The following CTDSP2 variants were observed in gnomAD, a reference collection of about 807,000 sequenced individuals.
The protein encoded by CTDSP2 is CTD small phosphatase 2.
CTDSP2 carries 9 observed loss-of-function variants against 31.6 expected under a neutral mutation model. That is an observed-to-expected ratio of 0.28 (90% CI 0.17 to 0.50). The LOEUF (loss-of-function observed/expected upper bound fraction) is 0.50, where lower values mean the gene tolerates loss of function less well. CTDSP2 is among the 20% of genes least tolerant of loss of function. The probability of loss-of-function intolerance (pLI) is 0.98; values close to 1 mark genes in which losing one functional copy is unlikely to be tolerated. For missense variants in CTDSP2, 267 were observed against 348.5 expected, an observed-to-expected ratio of 0.77 and a Z score of 1.86; for synonymous variants, 134 against 134.5, an observed-to-expected ratio of 1.00 and a Z score of 0.03.
intron 1 of CTDSP2, among the ~76,000 whole-genome samples, chr12:57,844,782 G>A (rs1411970199): frequency 1.3e-5 from 2 of 151,960 alleles, no homozygotes; most frequent in African/African-American, 4.8e-5. Flanking sequence ...CAACACCGAG[G>A]TCAGGGAGGC....
At chr12:57,846,307 G>C (rs1956315864) in intron 1 of CTDSP2, 65 bp downstream of exon 1, 2 of 1,474,204 alleles carry the variant, frequency 1.4e-6, no homozygotes, top group South Asian at 1.2e-5. Context: ...ACCTGGGTTC[G>C]GGGCTGTGCT....
At chr12:57,828,692 C>G (rs890929335) in intron 2 of CTDSP2, among the ~76,000 whole-genome samples, 1 of 152,224 alleles carries the variant, frequency 6.6e-6, no homozygotes, top group Non-Finnish European at 1.5e-5. Flanking sequence ...ACCATTTCCC[C>G]TACTGCAAAA....
intron 1 of CTDSP2, among the ~76,000 whole-genome samples, chr12:57,838,385 T>A (rs1956260613): frequency 6.6e-6 from 1 of 152,156 alleles, no homozygotes; most frequent in Admixed American, 6.5e-5. Context: ...GGTATCATTG[T>A]GAGGGATTGG....
In CTDSP2 at chr12:57,823,956, G is replaced by A; in HGVS notation, c.638C>T (p.Thr213Ile). 6.2e-7 allele frequency: 1 copy of A among 1,614,096 alleles called. No individual in the cohort carries two copies. Among genetic ancestry groups the A allele is most frequent in the South Asian group, 1.1e-5 (1 of 91,080 alleles). ...AGCAGGCGAGTTGTCCAGGATGAGG[G>A]TCTTTCTCAGGTCCCTCCCCAGGCG... The part of the protein sequence containing the change: ...LSRLGRDLRK[T>I]LILDNSPASY... Residue 213 changes from threonine (T) to isoleucine (I), a missense_variant, in exon 7 of 8, where the codon ACC becomes ATC. By Grantham distance (89) the Thr-to-Ile change is moderately conservative. This residue lies in a region of CTDSP2 where 156 missense variants were observed against 241.3 expected (regional missense o/e 0.65). Coordinates refer to ENST00000398073, the MANE Select transcript of CTDSP2 (RefSeq NM_005730.4).
Position 57,823,270 on chromosome 12 carries a change from T to A in CTDSP2, c.*332A>T, listed in dbSNP as rs1956159390. The A allele has an allele frequency of 2.9e-6, 1 of 349,812 alleles. No homozygotes were observed. The highest frequency in any genetic ancestry group is 5.5e-6 in the Non-Finnish European group (1 of 182,096). 21.7% of individuals were successfully genotyped at this position (349,812 alleles called of 1,614,324 possible). A position where few individuals can be genotyped will look rare whatever the true frequency, so the allele number is the denominator to read the frequency against. On this transcript the variant is annotated 3_prime_UTR_variant, in exon 8 of 8. Coordinates refer to ENST00000398073, the MANE Select transcript of CTDSP2 (RefSeq NM_005730.4). ...TAGGGTGACAGGAGAGGAGACAAGC[T>A]AACTTGGGAAGAGTCTTGGTCTTTC...
rs1456273202 is a variant in CTDSP2 at position 57,822,100 on chromosome 12, C to G, written c.*1502G>C. ...AGATGGGAACAGGAGCGCCCTCCCA[C>G]CCCAGGAGGAGGGAGGGAGGGAGGA... On this transcript the variant is annotated 3_prime_UTR_variant, in exon 8 of 8. Coordinates refer to ENST00000398073, the MANE Select transcript of CTDSP2 (RefSeq NM_005730.4). 2 of 152,292 alleles carry G rather than the reference C, an allele frequency of 1.3e-5. No individual in the cohort carries two copies. Among genetic ancestry groups the G allele is most frequent in the Non-Finnish European group, 2.9e-5 (2 of 68,010 alleles). 9.4% of individuals were successfully genotyped at this position (152,292 alleles called of 1,614,324 possible). A position where few individuals can be genotyped will look rare whatever the true frequency, so the allele number is the denominator to read the frequency against.
At chr12:57,824,783 T>C (rs1488536667) in intron 5 of CTDSP2, 3 of 457,536 alleles carry the variant, frequency 6.6e-6, no homozygotes, top group African/African-American at 4.0e-5. Context: ...AGTGACTTTT[T>C]CCCCTCAATG....
At chr12:57,839,953 A>G (rs1956272681) in intron 1 of CTDSP2, among the ~76,000 whole-genome samples, 1 of 152,038 alleles carries the variant, frequency 6.6e-6, no homozygotes, top group African/African-American at 2.4e-5. Context: ...ATTGGCTGTA[A>G]CCATTACTGG....
At chr12:57,840,807 T>C (rs886588860) in intron 1 of CTDSP2, among the ~76,000 whole-genome samples, 1 of 151,940 alleles carries the variant, frequency 6.6e-6, no homozygotes, top group Non-Finnish European at 1.5e-5. Context: ...GAAATGGAAA[T>C]GTCAGATCCA....
At chr12:57,845,067 G>A (rs543401541) in intron 1 of CTDSP2, among the ~76,000 whole-genome samples, 11 of 152,306 alleles carry the variant, frequency 7.2e-5, no homozygotes, top group South Asian at 2.1e-4. Context: ...ACGGGGAGAC[G>A]TGGGGCGCAC....
Position 57,820,146 on chromosome 12 carries a change from G to A in CTDSP2, c.*3456C>T, listed in dbSNP as rs1033324515. On this transcript the variant is annotated 3_prime_UTR_variant, in exon 8 of 8. Coordinates refer to ENST00000398073, the MANE Select transcript of CTDSP2 (RefSeq NM_005730.4). ...CCCTCCAAATGGCATCTTGAAGGGGGAAAGCGGCACGAAATGGAACATGAT... is the reference window on the plus strand; with the variant it reads ...CCCTCCAAATGGCATCTTGAAGGGGAAAAGCGGCACGAAATGGAACATGAT... 19 of 152,576 alleles carry A rather than the reference G, an allele frequency of 1.2e-4. No individual in the cohort carries two copies. Among genetic ancestry groups the A allele is most frequent in the African/African-American group, 4.3e-4 (18 of 41,414 alleles). 9.5% of individuals were successfully genotyped at this position (152,576 alleles called of 1,614,324 possible). A position where few individuals can be genotyped will look rare whatever the true frequency, so the allele number is the denominator to read the frequency against.
rs566347970 is a variant in CTDSP2 at position 57,820,926 on chromosome 12, G to A, written c.*2676C>T. On this transcript the variant is annotated 3_prime_UTR_variant, in exon 8 of 8. Coordinates refer to ENST00000398073, the MANE Select transcript of CTDSP2 (RefSeq NM_005730.4). ...GAACCTGGCAGGTAGGCAGATTCCT[G>A]GCATGGCTTGAATTGGTGCTGACCA... 2.4e-4 allele frequency: 37 copies of A among 152,318 alleles called. No homozygotes were observed. Among genetic ancestry groups the A allele is most frequent in the African/African-American group, 8.4e-4 (35 of 41,558 alleles). 9.4% of individuals were successfully genotyped at this position (152,318 alleles called of 1,614,324 possible). A position where few individuals can be genotyped will look rare whatever the true frequency, so the allele number is the denominator to read the frequency against.
intron 5 of CTDSP2, among the ~76,000 whole-genome samples, chr12:57,825,984 C>T (rs1209786143): frequency 6.6e-6 from 1 of 152,154 alleles, no homozygotes; most frequent in Non-Finnish European, 1.5e-5. Flanking sequence ...GTATAGATAC[C>T]TTTCTTAAGG....
intron 1 of CTDSP2, among the ~76,000 whole-genome samples, chr12:57,833,110 G>C (rs985940589): frequency 6.6e-6 from 1 of 152,246 alleles, no homozygotes. Flanking sequence ...TTTTCCTGAA[G>C]AGAGGCCGTC....
rs537169993 is a variant in CTDSP2, at chr12:57,846,476, G to C, written c.-41C>G. ...GCCCGGGCTGGCTGGGCGGGAGGACGGGCGGGCGCGCGGGCTGGGCTGGGC... is the reference window on the plus strand; with the variant it reads ...GCCCGGGCTGGCTGGGCGGGAGGACCGGCGGGCGCGCGGGCTGGGCTGGGC... On this transcript the variant is annotated 5_prime_UTR_variant, in exon 1 of 8. Coordinates refer to ENST00000398073, the MANE Select transcript of CTDSP2 (RefSeq NM_005730.4). The C allele has an allele frequency of 3.9e-6, 6 of 1,526,476 alleles. No individual in the cohort carries two copies. Among genetic ancestry groups the C allele is most frequent in the South Asian group, 1.2e-5 (1 of 81,976 alleles). 94.6% of individuals were successfully genotyped at this position (1,526,476 alleles called of 1,614,324 possible).
chr12:57,824,268 C>T lies in CTDSP2; in HGVS notation c.463G>A (p.Glu155Lys). The change falls in exon 6 of 8, where the codon GAA becomes AAA. Residue 155 changes from glutamate to lysine, a missense_variant. By Grantham distance (56) the Glu-to-Lys change is moderately conservative. Coordinates refer to ENST00000398073, the MANE Select transcript of CTDSP2 (RefSeq NM_005730.4). ...YVDEFLRRMG[E>K]LFECVLFTAS... ...GTGAAGAGAACACATTCAAAGAGTT[C>T]CCCCATGCGTCTCAGGAACTCATCC... The T allele has an allele frequency of 6.2e-7, 1 of 1,614,082 alleles. No homozygotes were observed. Among genetic ancestry groups the T allele is most frequent in the Non-Finnish European group, 8.5e-7 (1 of 1,179,972 alleles).
rs1190768251 is a variant in CTDSP2 at position 57,820,182 on chromosome 12, G to T, written c.*3420C>A. 6.6e-6 allele frequency: 1 copy of T among 152,574 alleles called. No homozygotes were observed. The highest frequency in any genetic ancestry group is 2.1e-4 in the South Asian group (1 of 4,820). 9.5% of individuals were successfully genotyped at this position (152,574 alleles called of 1,614,324 possible). ...GAAATGGAACATGATAAGCAAAAAA[G>T]CTCACGAGGCCCAAAGAGGAGGGTC... On this transcript the variant is annotated 3_prime_UTR_variant, in exon 8 of 8. Transcript: ENST00000398073.
At chr12:57,835,096 C>G (rs1956239218) in intron 1 of CTDSP2, among the ~76,000 whole-genome samples, 2 of 148,572 alleles carry the variant, frequency 1.3e-5, no homozygotes, top group African/African-American at 5.0e-5. Context: ...GCACTCCAGC[C>G]TGGGCAACAA....
rs549457920 is a variant in CTDSP2, at chr12:57,829,441, C to T, written c.213+7G>A. On this transcript the variant is annotated splice_region_variant and intron_variant, in intron 2 of 7. Transcript: ENST00000398073. ...TTGCTGGCATCTTACCACCCCAACCCACCTACCTTAGCAATGGTGTTTGCT... is the reference window on the plus strand; with the variant it reads ...TTGCTGGCATCTTACCACCCCAACCTACCTACCTTAGCAATGGTGTTTGCT... 1 of 1,612,698 alleles carries T rather than the reference C, an allele frequency of 6.2e-7. No individual in the cohort carries two copies. Among genetic ancestry groups the T allele is most frequent in the African/African-American group, 1.3e-5 (1 of 75,026 alleles).
Sources: allele counts gnomAD v4.1 joint callset (sites outside exome capture counted in the v4.1 genomes callset), GRCh38; gene constraint gnomAD v4.1.1; regional missense constraint gnomAD v4.1.1; transcripts MANE v1.5; gene names NCBI Gene and HGNC (gene_info 2026-07-23, HGNC 2026-07-21).